The following CCDC125 variants were observed in gnomAD, a reference collection of about 807,000 sequenced individuals.
The protein encoded by CCDC125 is coiled-coil domain containing 125.
A neutral mutation model predicts 57.4 loss-of-function variants in CCDC125; 43 were observed. The ratio of observed to expected loss-of-function variants is 0.75; its 90% CI spans 0.59 to 0.97. The LOEUF is 0.97. Among genes scored for constraint, CCDC125 ranks in the 50% least tolerant of loss-of-function variants. CCDC125 has a pLI of 0.00. For synonymous variants in CCDC125, 187 were observed against 195.2 expected, an observed-to-expected ratio of 0.96 and a Z score of 0.35; for missense variants, 563 against 595.7, an observed-to-expected ratio of 0.95 and a Z score of 0.57.
At chr5:69,314,761 A>G (rs1355684820) in intron 2 of CCDC125, among the ~76,000 whole-genome samples, 2 of 152,116 alleles carry the variant, frequency 1.3e-5, no homozygotes, top group Admixed American at 1.3e-4. Context: ...CTATGACTGT[A>G]CCACTATACT....
At chr5:69,309,000 G>A (rs1441531033) in intron 4 of CCDC125, 2 of 152,956 alleles carry the variant, frequency 1.3e-5, no homozygotes, top group African/African-American at 2.4e-5. Flanking sequence ...ACTTGAGAGA[G>A]ATGATTTAGA....
chr5:69,280,155 G>A (rs1752394848), downstream of CCDC125: 1 of 152,180 alleles, frequency 6.6e-6, no homozygotes, highest in South Asian at 2.1e-4. Flanking sequence ...GTATCAGGTA[G>A]TCAAGGAAAT....
chr5:69,313,464 T>C, intron 3 of CCDC125: 1 of 1,204,944 alleles, frequency 8.3e-7, no homozygotes. Context: ...AGTAGTTTGC[T>C]TGTAATTCTT....
intron 2 of CCDC125, among the ~76,000 whole-genome samples, chr5:69,314,670 G>A (rs1331347383): frequency 6.6e-6 from 1 of 152,108 alleles, no homozygotes; most frequent in African/African-American, 2.4e-5. Context: ...AGCTAGATGT[G>A]GTGATGTGCC....
intron 3 of CCDC125, chr5:69,313,297 G>A (rs1758459144): frequency 3.0e-6 from 2 of 671,424 alleles, no homozygotes; most frequent in Non-Finnish European, 5.2e-6. Context: ...TATCTGGCAG[G>A]AAGGGGGCAG....
intron 8 of CCDC125, among the ~76,000 whole-genome samples, chr5:69,299,111 CTT>C (rs11451510): frequency 0.26 from 34,180 of 129,612 alleles, 4,324 homozygotes; most frequent in East Asian, 0.39. Flanking sequence ...TTCTTTCTTT[CTT>C]TTTTTTTTTT....
At chr5:69,297,221 A>C (rs906631529) in intron 8 of CCDC125, among the ~76,000 whole-genome samples, 1 of 151,642 alleles carries the variant, frequency 6.6e-6, no homozygotes, top group African/African-American at 2.4e-5. Flanking sequence ...TTGTATTTTT[A>C]GTAGAGATGG....
intron 9 of CCDC125, 65 bp downstream of exon 9, chr5:69,294,728 T>C: frequency 1.7e-6 from 2 of 1,183,680 alleles, no homozygotes; most frequent in Non-Finnish European, 2.5e-6. Flanking sequence ...TGCAAACATT[T>C]CCATTTATTC....
rs188344944 is a variant in CCDC125 at position 69,280,399 on chromosome 5, C to T, written c.*2330G>A. The T allele has an allele frequency of 2.0e-5, 3 of 152,338 alleles. No individual in the cohort carries two copies. In the East Asian group the frequency reaches 5.8e-4, roughly 29 times the overall value. 9.4% of individuals were successfully genotyped at this position (152,338 alleles called of 1,614,324 possible). A position where few individuals can be genotyped will look rare whatever the true frequency, so the allele number is the denominator to read the frequency against. On this transcript the variant is annotated 3_prime_UTR_variant, in exon 12 of 12. Coordinates refer to ENST00000396496, the MANE Select transcript of CCDC125 (RefSeq NM_176816.5). The stretch of plus-strand genomic sequence containing the variant: ...CATGTGGTGTATGAACAAGCATTAA[C>T]AGCTACTGCACCTGTGCAGAGGACC...
At chr5:69,276,530 T>C, downstream of CCDC125, 1 of 1,611,792 alleles carries the variant, frequency 6.2e-7, no homozygotes, top group Non-Finnish European at 8.5e-7. Context: ...TTTGGTATCT[T>C]TTCTTTTAAA....
Position 69,294,897 on chromosome 5 carries a change from C to T in CCDC125, c.820G>A (p.Ala274Thr), listed in dbSNP as rs1187879818. 6.2e-7 allele frequency: 1 copy of T among 1,612,666 alleles called. No homozygotes were observed. The highest frequency in any genetic ancestry group is 1.7e-5 in the Admixed American group (1 of 59,544). ...TGACAAAGGCAGGCTCCGAGGACCG[C>T]AAGCTTTAAATTGAAAAGCATTGCT... ...GFAEASGLELAVLGACLCHGP... is the reference protein window; with the variant it reads ...GFAEASGLELTVLGACLCHGP... Residue 274 changes from alanine (A) to threonine (T), a missense_variant, in exon 9 of 12, where the codon GCG becomes ACG. Ala to Thr is a moderately conservative substitution (Grantham distance 58). Transcript: ENST00000396496.
intron 2 of CCDC125, among the ~76,000 whole-genome samples, chr5:69,316,436 G>T (rs1759117115): frequency 6.6e-6 from 1 of 152,192 alleles, no homozygotes; most frequent in African/African-American, 2.4e-5. Context: ...AGATGGGGAG[G>T]GGGCCATGAG....
intron 8 of CCDC125, among the ~76,000 whole-genome samples, chr5:69,296,256 TTAAAC>T (rs1164149602): frequency 6.6e-6 from 1 of 151,880 alleles, no homozygotes; most frequent in Non-Finnish European, 1.5e-5. Flanking sequence ...AATAAACTCT[TTAAAC>T]TAGATTCTGG....
intron 11 of CCDC125, 150 bp from the exon 12 acceptor site, chr5:69,283,184 G>C: frequency 1.8e-6 from 1 of 564,724 alleles, no homozygotes; most frequent in South Asian, 2.8e-5. Context: ...GGTATCACCT[G>C]ATCCCCAAAC....
intron 7 of CCDC125, 46 bp from the exon 8 acceptor site, chr5:69,300,173 C>T (rs1418466446): frequency 1.5e-6 from 2 of 1,321,082 alleles, no homozygotes; most frequent in Non-Finnish European, 2.2e-6. Context: ...AGCCTAACTC[C>T]ACCCTCATCC....
chr5:69,320,641 G>A (rs542121439), intron 1 of CCDC125, 61 bp from the exon 2 acceptor site: 16 of 708,348 alleles, frequency 2.3e-5, no homozygotes, highest in South Asian at 1.1e-4. Flanking sequence ...CCCACCTCTC[G>A]ATATTTACCC....
Position 69,311,203 on chromosome 5 carries a change from T to C in CCDC125, c.368A>G (p.Glu123Gly), listed in dbSNP as rs1758076793. 6.3e-7 allele frequency: 1 copy of C among 1,591,868 alleles called. No individual in the cohort carries two copies. Among genetic ancestry groups the C allele is most frequent in the Non-Finnish European group, 8.6e-7 (1 of 1,162,148 alleles). ...AAGTTCAGTTTTTAACATTTCTACC[T>C]CCTGAGGACAGAAAGAAAATTAGTC... ...LRQCLNETLEEVEMLKTELEA... is the reference protein window; with the variant it reads ...LRQCLNETLEGVEMLKTELEA... The change falls in exon 4 of 12, where the codon GAG becomes GGG. Residue 123 changes from glutamate to glycine, a missense_variant and splice_region_variant. Physicochemically the swap from Glu to Gly is moderately conservative, Grantham distance 98. Coordinates refer to ENST00000396496, the MANE Select transcript of CCDC125 (RefSeq NM_176816.5).
chr5:69,293,252 C>G (rs1250023186), intron 9 of CCDC125, among the ~76,000 whole-genome samples: 4 of 152,198 alleles, frequency 2.6e-5, no homozygotes, highest in Non-Finnish European at 5.9e-5. Flanking sequence ...GATTCTCCCA[C>G]CTCAGCCTCC....
At chr5:69,291,365 C>CT (rs1754424455) in intron 10 of CCDC125, among the ~76,000 whole-genome samples, 1 of 151,012 alleles carries the variant, frequency 6.6e-6, no homozygotes, top group African/African-American at 2.5e-5. Flanking sequence ...CAATACTGAT[C>CT]ATTTTTTTTT....
Sources: allele counts gnomAD v4.1 joint callset (sites outside exome capture counted in the v4.1 genomes callset), GRCh38; gene constraint gnomAD v4.1.1; transcripts MANE v1.5; gene names NCBI Gene and HGNC (gene_info 2026-07-23, HGNC 2026-07-21).